Variants in KATNAL2 observed in about 807,000 individuals in gnomAD.
KATNAL2 encodes katanin catalytic subunit A1 like 2.
A neutral mutation model predicts 76.3 loss-of-function variants in KATNAL2; 52 were observed. That is an observed-to-expected ratio of 0.68 (90% CI 0.55 to 0.86). KATNAL2 has a LOEUF of 0.86. Among genes scored for constraint, KATNAL2 ranks in the 40% least tolerant of loss-of-function variants. The pLI is 0.00. For missense variants in KATNAL2, 660 were observed against 668.9 expected, an observed-to-expected ratio of 0.99 and a Z score of 0.15; for synonymous variants, 243 against 244.2, an observed-to-expected ratio of 1.00 and a Z score of 0.05.
chr18:47,078,039 T>G (rs1387496077), intron 15 of KATNAL2, among the ~76,000 whole-genome samples: 1 of 152,184 alleles, frequency 6.6e-6, no homozygotes, highest in African/African-American at 2.4e-5. Flanking sequence ...AGAATATATT[T>G]TAAAAATAAG....
chr18:47,050,829 A>C (rs995946382), intron 4 of KATNAL2, among the ~76,000 whole-genome samples: 8 of 152,230 alleles, frequency 5.3e-5, no homozygotes, highest in Admixed American at 2.0e-4. Context: ...AGCTGGACTT[A>C]AAAGATGTAT....
At chr18:46,956,090 T>G (rs2059738049) in intron 3 of KATNAL2, among the ~76,000 whole-genome samples, 1 of 152,216 alleles carries the variant, frequency 6.6e-6, no homozygotes, top group African/African-American at 2.4e-5. Context: ...GCTAGGCATT[T>G]GTCACACATG....
At position 46,917,890 on chromosome 18, in the gene KATNAL2, A is replaced by G. The variant is rs1237925271; in HGVS notation, c.-546A>G. ...CGCCGCAAATAAAACCATCCCCCAG[A>G]GTAGTTGTGGCGGAATAATCTAAAT... On this transcript the variant is annotated 5_prime_UTR_variant, in exon 1 of 18. Transcript: ENST00000683218. 2 of 152,190 alleles carry G rather than the reference A, an allele frequency of 1.3e-5. No individual in the cohort carries two copies. Among genetic ancestry groups the G allele is most frequent in the Non-Finnish European group, 2.9e-5 (2 of 68,068 alleles). 9.4% of individuals were successfully genotyped at this position (152,190 alleles called of 1,614,324 possible).
In KATNAL2 at chr18:47,046,543, A is replaced by G. The variant is rs2061163028; in HGVS notation, c.122+16A>G. 1 of 1,486,064 alleles carries G rather than the reference A, an allele frequency of 6.7e-7. No homozygotes were observed. Among genetic ancestry groups the G allele is most frequent in the Non-Finnish European group, 9.1e-7 (1 of 1,101,236 alleles). The allele number at this position is 1,486,064 out of a possible 1,614,324, so 92.1% of individuals were successfully genotyped here. On this transcript the variant is annotated intron_variant, in intron 4 of 17. Coordinates refer to ENST00000683218, the MANE Select transcript of KATNAL2 (RefSeq NM_001387690.1). ...CACAAGAAGGGTATGTTACAGTACA[A>G]ACATTTATAGAGATGATTCCTCTTT...
intron 8 of KATNAL2, among the ~76,000 whole-genome samples, chr18:47,060,536 A>G (rs1310623256): frequency 6.6e-6 from 1 of 152,166 alleles, no homozygotes; most frequent in Non-Finnish European, 1.5e-5. Flanking sequence ...TGTAGTCAAA[A>G]GGTAGATTAA....
rs185452901 is a variant in KATNAL2, at chr18:47,080,207, A to G, written c.1211+2746A>G. Among the ~76,000 whole-genome samples, 3 of 152,310 alleles carry G rather than the reference A, an allele frequency of 2.0e-5. No individual in the cohort carries two copies. In the East Asian group the frequency reaches 5.8e-4, roughly 29 times the overall value. On this transcript the variant is annotated intron_variant, in intron 15 of 17. Coordinates refer to ENST00000683218, the MANE Select transcript of KATNAL2 (RefSeq NM_001387690.1). ...GTGAGTTGATGCCACAGTGACCTTC[A>G]GTGGCAACCAATGAGTCAGCCATCA...
chr18:46,942,905 T>A (rs1257270388), intron 1 of KATNAL2, among the ~76,000 whole-genome samples: 1 of 152,152 alleles, frequency 6.6e-6, no homozygotes, highest in Non-Finnish European at 1.5e-5. Flanking sequence ...TACCTAAATT[T>A]TGTTTTCTTC....
chr18:47,033,513 T>C (rs2060591604), intron 3 of KATNAL2: 2 of 1,614,074 alleles, frequency 1.2e-6, no homozygotes, highest in African/African-American at 1.3e-5. Flanking sequence ...GATTCCTCCG[T>C]AATTCGTCTG....
intron 3 of KATNAL2, among the ~76,000 whole-genome samples, chr18:46,965,583 C>T (rs1414016537): frequency 1.1e-4 from 8 of 74,850 alleles, no homozygotes; most frequent in Non-Finnish European, 1.7e-4. Context: ...GCATCCCCGC[C>T]CCCCCCCCCC....
Position 46,931,712 on chromosome 18 carries a change from AAG to A in KATNAL2, c.-510+13792_-510+13793del, listed in dbSNP as rs1029324330. Reference sequence around the variant, plus strand: ...AGAGGAAGGAAGGAAGAGAGAGAGAAAGAGAGAAAAAAGAGAGAGAGAGGGAG... The same window carrying A: ...AGAGGAAGGAAGGAAGAGAGAGAGAAAGAGAAAAAAGAGAGAGAGAGGGAG... On this transcript the variant is annotated intron_variant, in intron 1 of 17. Transcript: ENST00000683218. 7.9e-4 allele frequency among the ~76,000 whole-genome samples: 119 copies of A among 151,122 alleles called. 1 individual carries two copies. Among genetic ancestry groups the A allele is most frequent in the Non-Finnish European group, 1.0e-3 (71 of 67,822 alleles).
rs1406134449 is a variant in KATNAL2, at chr18:47,100,984, A to T, written c.1596A>T (p.Gln532His). The T allele has an allele frequency of 6.2e-7, 1 of 1,614,002 alleles. No individual in the cohort carries two copies. Among genetic ancestry groups the T allele is most frequent in the South Asian group, 1.1e-5 (1 of 91,064 alleles). ...TGGCTCAGAGATACTCAGACTGGCA[A>T]AGAGAGTTCGAGTCTGTCTGAAACC... Reference protein sequence around the residue: ...KNLAQRYSDWQREFESV With the variant: ...KNLAQRYSDWHREFESV Residue 532 changes from glutamine (Q) to histidine (H), a missense_variant, in exon 18 of 18, where the codon CAA becomes CAT. Transcript: ENST00000683218.
At chr18:46,942,982 T>C (rs2146638819) in intron 1 of KATNAL2, among the ~76,000 whole-genome samples, 1 of 152,330 alleles carries the variant, frequency 6.6e-6, no homozygotes, top group Non-Finnish European at 1.5e-5. Flanking sequence ...TCTATCCTTT[T>C]GAGGTTTGTT....
intron 3 of KATNAL2, among the ~76,000 whole-genome samples, chr18:47,040,976 A>G (rs2060943392): frequency 1.3e-5 from 2 of 152,226 alleles, no homozygotes; most frequent in African/African-American, 4.8e-5. Flanking sequence ...TGATCTGCCA[A>G]GGAACTAATT....
chr18:47,035,840 A>G (rs927947270), intron 3 of KATNAL2, among the ~76,000 whole-genome samples: 7 of 152,188 alleles, frequency 4.6e-5, no homozygotes, highest in African/African-American at 1.7e-4. Flanking sequence ...TGGGAGTAAA[A>G]CAGAAAATAA....
At chr18:47,034,578 C>A (rs1599585184) in intron 3 of KATNAL2, 2 of 1,614,198 alleles carry the variant, frequency 1.2e-6, no homozygotes, top group Non-Finnish European at 1.7e-6. Flanking sequence ...CCTGGCGAGA[C>A]GATTTGTGCC....
At chr18:47,032,689 A>C in intron 3 of KATNAL2, 1 of 429,266 alleles carries the variant, frequency 2.3e-6, no homozygotes, top group Non-Finnish European at 4.1e-6. Flanking sequence ...GAAAAAGGAA[A>C]TCTCACATCT....
In KATNAL2 at chr18:47,101,046, A is replaced by C; in HGVS notation, c.*41A>C. The stretch of plus-strand genomic sequence containing the variant: ...GACCTGGCCACAAAGGCAACCACAA[A>C]GACCTCCTAGTTTATTAATGTCCGT... On this transcript the variant is annotated 3_prime_UTR_variant, in exon 18 of 18. Coordinates refer to ENST00000683218, the MANE Select transcript of KATNAL2 (RefSeq NM_001387690.1). 6.2e-7 allele frequency: 1 copy of C among 1,608,186 alleles called. No homozygotes were observed. Among genetic ancestry groups the C allele is most frequent in the Non-Finnish European group, 8.5e-7 (1 of 1,175,748 alleles).
chr18:47,051,131 G>A (rs1416292662), intron 4 of KATNAL2, among the ~76,000 whole-genome samples: 3 of 152,042 alleles, frequency 2.0e-5, no homozygotes, highest in Admixed American at 6.6e-5. Context: ...CCGTCCTGTC[G>A]CTCTGTTGGT....
intron 3 of KATNAL2, among the ~76,000 whole-genome samples, chr18:47,039,890 A>G (rs2060905471): frequency 1.3e-5 from 2 of 152,344 alleles, no homozygotes; most frequent in African/African-American, 4.8e-5. Context: ...TGTGATGTAC[A>G]GGACACTGTG....
Sources: gnomAD v4.1 joint callset for allele counts (sites outside exome capture counted in the v4.1 genomes callset) on GRCh38, gnomAD v4.1.1 for gene constraint, MANE v1.5 for transcripts, NCBI Gene and HGNC (gene_info 2026-07-23, HGNC 2026-07-21) for gene names.